The following DAPK1 variants were observed in gnomAD, a reference collection of about 807,000 sequenced individuals.
The protein encoded by DAPK1 is death-associated protein kinase 1.
Under a neutral mutation model 144.9 loss-of-function variants are expected in DAPK1, and 56 were observed. That is an observed-to-expected ratio of 0.39 (90% confidence interval 0.31 to 0.48). The LOEUF (loss-of-function observed/expected upper bound fraction) is 0.48. Ranked by LOEUF, DAPK1 falls within the 20% of genes least tolerant of loss-of-function variation. The pLI is 0.95. For missense variants in DAPK1, 1,454 were observed against 1,875.4 expected (o/e 0.78, Z 4.15); for synonymous variants, 690 against 749.0 (o/e 0.92, Z 1.29).
chr9:87,705,831 T>C (rs1825615102), intron 25 of DAPK1, among the ~76,000 whole-genome samples: 1 of 152,180 alleles, frequency 6.6e-6, no homozygotes, highest in Non-Finnish European at 1.5e-5. Flanking sequence ...GAATCCAGTC[T>C]AAAATCACTC....
chr9:87,577,875 A>G (rs1216656857), intron 2 of DAPK1, among the ~76,000 whole-genome samples: 2 of 152,152 alleles, frequency 1.3e-5, no homozygotes, highest in African/African-American at 4.8e-5. Flanking sequence ...GCTCTAAAGA[A>G]TTTCTGTCTC....
At chr9:87,521,171 T>G (rs1016047749) in intron 2 of DAPK1, among the ~76,000 whole-genome samples, 8 of 152,240 alleles carry the variant, frequency 5.3e-5, no homozygotes, top group African/African-American at 1.4e-4. Context: ...GCTTTTGGTG[T>G]TGTTGCAGGG....
chr9:87,544,458 A>G (rs1351447589), intron 2 of DAPK1, among the ~76,000 whole-genome samples: 1 of 152,226 alleles, frequency 6.6e-6, no homozygotes, highest in Non-Finnish European at 1.5e-5. Context: ...ATGAGAATAT[A>G]TGTGAGTGTG....
chr9:87,545,213 C>G (rs1326984734), intron 2 of DAPK1, among the ~76,000 whole-genome samples: 1 of 152,186 alleles, frequency 6.6e-6, no homozygotes, highest in Non-Finnish European at 1.5e-5. Context: ...CTTGACTGAT[C>G]TCCCCAATTC....
intron 25 of DAPK1, among the ~76,000 whole-genome samples, chr9:87,705,051 T>G (rs968014360): frequency 6.6e-6 from 1 of 152,070 alleles, no homozygotes; most frequent in African/African-American, 2.4e-5. Flanking sequence ...GGAGGCCAAC[T>G]ATTATCATGG....
At position 87,706,959 on chromosome 9, in the gene DAPK1, C is replaced by G; in HGVS notation, c.3888C>G (p.Leu1296=). ...GCHDVYSQAS[L]GMDIHASDLN... ...ACGACGTCTACTCACAGGCCAGCCT[C>G]GGCATGGACATCCATGCATCAGACC... The change falls in exon 26 of 26, where the codon CTC becomes CTG. Residue 1296 remains leucine (L), a synonymous_variant. Transcript: ENST00000408954. The surrounding 1 kb of genome is among the most constrained non-coding windows in gnomAD (Gnocchi z 9.0). 1 of 1,613,174 alleles carries G rather than the reference C, an allele frequency of 6.2e-7. No individual in the cohort carries two copies. Among genetic ancestry groups the G allele is most frequent in the African/African-American group, 1.3e-5 (1 of 75,032 alleles).
At chr9:87,662,911 C>T (rs1483001083) in intron 18 of DAPK1, among the ~76,000 whole-genome samples, 1 of 151,764 alleles carries the variant, frequency 6.6e-6, no homozygotes, top group Admixed American at 6.6e-5. Context: ...CCTTCTGTGC[C>T]CTCACAGCGC....
intron 3 of DAPK1, among the ~76,000 whole-genome samples, chr9:87,624,947 C>T (rs898592614): frequency 6.6e-6 from 1 of 152,208 alleles, no homozygotes; most frequent in Non-Finnish European, 1.5e-5. Flanking sequence ...GCGTGGTTGG[C>T]GTTCTGTGAC....
At chr9:87,633,044 A>G (rs867000626) in intron 3 of DAPK1, 1 of 979,152 alleles carries the variant, frequency 1.0e-6, no homozygotes. Context: ...ATGAAGGAGG[A>G]TGAGTATATA....
intron 3 of DAPK1, chr9:87,633,473 T>A (rs1379283775): frequency 4.1e-6 from 3 of 723,026 alleles, no homozygotes; most frequent in East Asian, 1.3e-4. Flanking sequence ...CTTGGTTGCC[T>A]GGACAGCCAT....
At chr9:87,619,589 C>G (rs904796367) in intron 3 of DAPK1, among the ~76,000 whole-genome samples, 10 of 152,222 alleles carry the variant, frequency 6.6e-5, no homozygotes, top group Non-Finnish European at 1.3e-4. Flanking sequence ...GTAGTCCTCT[C>G]TCATGAGAAC....
At chr9:87,705,631 A>G (rs1825609887) in intron 25 of DAPK1, among the ~76,000 whole-genome samples, 1 of 152,178 alleles carries the variant, frequency 6.6e-6, no homozygotes, top group Non-Finnish European at 1.5e-5. Flanking sequence ...TTTCTTCCCT[A>G]AATAATTTAG....
At chr9:87,556,421 G>A (rs934432408) in intron 2 of DAPK1, among the ~76,000 whole-genome samples, 24 of 152,202 alleles carry the variant, frequency 1.6e-4, no homozygotes, top group Non-Finnish European at 4.4e-5. Context: ...TGCCCGTCAC[G>A]GGCAAAGGGG....
intron 2 of DAPK1, among the ~76,000 whole-genome samples, chr9:87,585,669 G>T (rs980509682): frequency 4.6e-5 from 7 of 152,054 alleles, no homozygotes; most frequent in Admixed American, 2.0e-4. Flanking sequence ...ATCTCTTCTG[G>T]TTCCCTTCTA....
At chr9:87,499,621 A>C (rs1029530427) in intron 2 of DAPK1, among the ~76,000 whole-genome samples, 1 of 152,172 alleles carries the variant, frequency 6.6e-6, no homozygotes, top group African/African-American at 2.4e-5. Context: ...CCAGATGTTG[A>C]CATTGGGCTT....
chr9:87,633,964 C>G (rs568099668), intron 3 of DAPK1, among the ~76,000 whole-genome samples: 1 of 152,296 alleles, frequency 6.6e-6, no homozygotes, highest in African/African-American at 2.4e-5. Flanking sequence ...GTGGCAGCCC[C>G]AGTTGGCCAA....
chr9:87,531,529 C>T (rs1825697834), intron 2 of DAPK1, among the ~76,000 whole-genome samples: 1 of 152,052 alleles, frequency 6.6e-6, no homozygotes, highest in African/African-American at 2.4e-5. Flanking sequence ...CAAAGACTGG[C>T]GTGTCTCAGA....
chr9:87,507,476 A>C (rs369416970), intron 2 of DAPK1, among the ~76,000 whole-genome samples: 42 of 152,304 alleles, frequency 2.8e-4, no homozygotes, highest in African/African-American at 1.0e-3. Context: ...AAGTGTTGGG[A>C]TTACAGGCAT....
In DAPK1 at chr9:87,579,129, A is replaced by T. The variant is rs556338695; in HGVS notation, c.63-25825A>T. Among the ~76,000 whole-genome samples the T allele has an allele frequency of 5.0e-4, 76 of 152,310 alleles. No individual in the cohort carries two copies. The South Asian group carries it at 8.7e-3, about 17-fold the overall frequency. Reference sequence around the variant, plus strand: ...TATATAATCTATTCCAAGGTGAGACAGCACCCCCTCCCCACTGATGCACAC... The same window carrying T: ...TATATAATCTATTCCAAGGTGAGACTGCACCCCCTCCCCACTGATGCACAC... On this transcript the variant is annotated intron_variant, in intron 2 of 25. Transcript: ENST00000408954.
Sources: allele counts gnomAD v4.1 joint callset (sites outside exome capture counted in the v4.1 genomes callset), GRCh38; gene constraint gnomAD v4.1.1; non-coding constraint Gnocchi (gnomAD v3.1); transcripts MANE v1.5; gene names NCBI Gene and HGNC (gene_info 2026-07-23, HGNC 2026-07-21).